Variants in DLG2 observed in about 807,000 individuals in gnomAD.
DLG2 encodes disks large homolog 2.
In DLG2, 45 loss-of-function variants were observed where a neutral mutation model predicts 132.5. The observed-to-expected ratio is 0.34, with a 90% confidence interval of 0.27 to 0.44. DLG2 has a LOEUF of 0.44. Ranked by LOEUF, DLG2 falls within the 20% of genes least tolerant of loss-of-function variation. The probability of loss-of-function intolerance (pLI) is 1.00; values close to 1 mark genes in which losing one functional copy is unlikely to be tolerated. For missense variants in DLG2, 1,045 were observed against 1,196.9 expected (o/e 0.87, Z 1.87); for synonymous variants, 424 against 419.6 (o/e 1.01, Z -0.13).
intron 6 of DLG2, among the ~76,000 whole-genome samples, chr11:84,804,334 C>T (rs2075759192): frequency 6.6e-6 from 1 of 152,128 alleles, no homozygotes; most frequent in South Asian, 2.1e-4. Context: ...ATGCCAAGTG[C>T]TAAATGCCAA....
Position 84,371,549 on chromosome 11 carries a change from C to CA in DLG2, c.520-120259dup, listed in dbSNP as rs541321443. On this transcript the variant is annotated intron_variant, in intron 7 of 27. Coordinates refer to ENST00000376104, the MANE Select transcript of DLG2 (RefSeq NM_001142699.3). ...AGCTGTGAGCCACCACGCCTGGCCA[C>CA]AAAATCTTTTCTACCAGCACAGCAA... 3.7e-3 allele frequency among the ~76,000 whole-genome samples: 567 copies of CA among 152,222 alleles called. 1 individual carries two copies. Among genetic ancestry groups the CA allele is most frequent in the African/African-American group, 0.013 (528 of 41,536 alleles).
chr11:83,959,977 G>T (rs1239171840), intron 14 of DLG2, among the ~76,000 whole-genome samples: 1 of 151,950 alleles, frequency 6.6e-6, no homozygotes, highest in Non-Finnish European at 1.5e-5. Flanking sequence ...TACAGCTAGG[G>T]TGCATAGGAG....
At chr11:83,729,468 G>A (rs1160655337) in intron 18 of DLG2, among the ~76,000 whole-genome samples, 6 of 152,194 alleles carry the variant, frequency 3.9e-5, no homozygotes, top group Admixed American at 3.9e-4. Flanking sequence ...GGTTAATCAA[G>A]TCTAATAATA....
chr11:85,507,895 T>C lies in DLG2; in HGVS notation c.40+90762A>G, dbSNP rs538298431. On this transcript the variant is annotated intron_variant, in intron 3 of 27. Transcript: ENST00000376104. ...TGTAGTCCCATAGTTATTGGAGGCT[T>C]TGTTCATTTCTTTTCACTCTTTTTT... Among the ~76,000 whole-genome samples, 11 of 152,258 alleles carry C rather than the reference T, an allele frequency of 7.2e-5. 1 individual carries two copies. In the South Asian group the frequency reaches 2.3e-3, roughly 32 times the overall value.
intron 18 of DLG2, among the ~76,000 whole-genome samples, chr11:83,780,864 C>A (rs1407828885): frequency 6.6e-6 from 1 of 152,134 alleles, no homozygotes; most frequent in Non-Finnish European, 1.5e-5. Flanking sequence ...TGTGACTTTG[C>A]CCAGTTCTCC....
chr11:84,077,365 T>C (rs2096843432), intron 10 of DLG2, among the ~76,000 whole-genome samples: 1 of 152,140 alleles, frequency 6.6e-6, no homozygotes, highest in African/African-American at 2.4e-5. Context: ...ATCTCGTTAG[T>C]TCTCATTTTG....
chr11:85,152,023 C>T (rs1343460590), intron 5 of DLG2, among the ~76,000 whole-genome samples: 3 of 152,090 alleles, frequency 2.0e-5, no homozygotes, highest in Non-Finnish European at 2.9e-5. Context: ...GAAAAAGAAG[C>T]TCCCTTCTAA....
At chr11:85,256,147 C>T (rs969243666) in intron 4 of DLG2, among the ~76,000 whole-genome samples, 2 of 152,064 alleles carry the variant, frequency 1.3e-5, no homozygotes, top group Admixed American at 6.5e-5. Flanking sequence ...GCCACGCCCC[C>T]TATCCTGTAC....
chr11:83,676,365 G>A (rs1056060150), intron 18 of DLG2, among the ~76,000 whole-genome samples: 3 of 152,172 alleles, frequency 2.0e-5, no homozygotes, highest in African/African-American at 7.2e-5. Flanking sequence ...CTGAGCTACA[G>A]GATCAGATCT....
intron 6 of DLG2, among the ~76,000 whole-genome samples, chr11:84,774,706 T>C (rs1434855673): frequency 6.6e-6 from 1 of 152,144 alleles, no homozygotes; most frequent in Non-Finnish European, 1.5e-5. Context: ...GACTTTCTAG[T>C]CAATAAATGG....
chr11:83,917,782 C>T (rs780058025), intron 15 of DLG2, among the ~76,000 whole-genome samples: 23 of 152,204 alleles, frequency 1.5e-4, no homozygotes, highest in Non-Finnish European at 2.8e-4. Flanking sequence ...ACTACGTGCT[C>T]ATGTGTCACA....
chr11:84,878,031 A>T (rs1041198823), intron 6 of DLG2, among the ~76,000 whole-genome samples: 2 of 152,232 alleles, frequency 1.3e-5, no homozygotes, highest in Non-Finnish European at 2.9e-5. Flanking sequence ...CATGCCAGTG[A>T]GAATGGCAAT....
At chr11:84,639,538 C>T (rs1407630600) in intron 6 of DLG2, among the ~76,000 whole-genome samples, 1 of 152,116 alleles carries the variant, frequency 6.6e-6, no homozygotes, top group Non-Finnish European at 1.5e-5. Context: ...TATGAAGGAA[C>T]ACTAGACCAT....
intron 4 of DLG2, among the ~76,000 whole-genome samples, chr11:85,167,901 C>G (rs2078575867): frequency 6.6e-6 from 1 of 152,072 alleles, no homozygotes; most frequent in Non-Finnish European, 1.5e-5. Context: ...ATTTTATAGA[C>G]TACTTCAGGA....
chr11:85,587,175 G>A (rs989647240), intron 3 of DLG2, among the ~76,000 whole-genome samples: 14 of 152,032 alleles, frequency 9.2e-5, no homozygotes, highest in South Asian at 4.2e-4. Flanking sequence ...TATATTCTGC[G>A]GTTTTGGGGT....
At chr11:84,462,439 CT>C (rs1567698912) in intron 7 of DLG2, among the ~76,000 whole-genome samples, 2 of 151,048 alleles carry the variant, frequency 1.3e-5, no homozygotes, top group Non-Finnish European at 3.0e-5. Context: ...GACCACTGTG[CT>C]TTTAAGCATG....
At chr11:83,627,459 C>T (rs1034923784) in intron 19 of DLG2, among the ~76,000 whole-genome samples, 8 of 151,806 alleles carry the variant, frequency 5.3e-5, no homozygotes, top group South Asian at 2.1e-4. Context: ...TGAGAAGATG[C>T]GGTGTTTGGT....
chr11:84,512,970 C>A (rs1268194384), intron 7 of DLG2, among the ~76,000 whole-genome samples: 1 of 151,702 alleles, frequency 6.6e-6, no homozygotes, highest in East Asian at 1.9e-4. Context: ...GGGAACAATA[C>A]ACACTGGGGC....
chr11:84,848,125 T>A (rs1249579286), intron 6 of DLG2, among the ~76,000 whole-genome samples: 2 of 152,094 alleles, frequency 1.3e-5, no homozygotes, highest in Non-Finnish European at 2.9e-5. Flanking sequence ...ACAACTATTC[T>A]CTAATCAACA....
Sources: allele counts gnomAD v4.1 joint callset (sites outside exome capture counted in the v4.1 genomes callset), GRCh38; gene constraint gnomAD v4.1.1; transcripts MANE v1.5; gene names NCBI Gene and HGNC (gene_info 2026-07-23, HGNC 2026-07-21).